Variants in ZNF728 observed in about 807,000 individuals in gnomAD.
ZNF728 encodes zinc finger protein 728.
ZNF728 carries 12 observed loss-of-function variants against 12.5 expected under a neutral mutation model. The observed-to-expected ratio is 0.96, with a 90% CI of 0.61 to 1.55. ZNF728 has a LOEUF of 1.55. Ranked by LOEUF, ZNF728 falls within the 40% of genes most tolerant of loss-of-function variation. ZNF728 has a pLI of 0.00. For missense variants in ZNF728, 692 were observed against 719.2 expected (o/e 0.96, Z 0.43); for synonymous variants, 205 against 240.7 (o/e 0.85, Z 1.37).
In ZNF728 at chr19:22,975,557, A is replaced by T. The variant is rs768463416; in HGVS notation, c.1780T>A (p.Cys594Ser). 6.3e-7 allele frequency: 1 copy of T among 1,589,672 alleles called. No homozygotes were observed. The highest frequency in any genetic ancestry group is 8.6e-7 in the Non-Finnish European group (1 of 1,169,012). The change falls in exon 4 of 4, where the codon TGT becomes AGT. Residue 594 changes from cysteine (C) to serine (S), a missense_variant. This residue lies in a region of ZNF728 where 244 missense variants were observed against 235.2 expected (regional missense o/e 1.04). Transcript: ENST00000594710. The part of the protein sequence containing the change: ...KIHAGKKFYK[C>S]EECGKDFNQS... ...TTGAAGTCTTTACCACATTCTTCAC[A>T]TTTGTAGAATTTCTTTCCAGCATGA...
intron 1 of ZNF728, 121 bp downstream of exon 1, chr19:23,002,907 G>T: frequency 7.4e-7 from 1 of 1,350,740 alleles, no homozygotes; most frequent in Non-Finnish European, 1.0e-6. Flanking sequence ...TAGGCAAGGA[G>T]AACACGGGGC....
chr19:22,992,172 A>G (rs141392155), intron 1 of ZNF728, among the ~76,000 whole-genome samples: 1 of 152,278 alleles, frequency 6.6e-6, no homozygotes, highest in Non-Finnish European at 1.5e-5. Flanking sequence ...ATTCAACCAT[A>G]TTTCCAGTTG....
chr19:22,998,141 T>A (rs943614243), intron 1 of ZNF728, among the ~76,000 whole-genome samples: 2 of 152,064 alleles, frequency 1.3e-5, no homozygotes, highest in African/African-American at 2.4e-5. Context: ...TAAAGACACA[T>A]GCACAATCAC....
At chr19:22,984,577 T>TAC (rs57794293) in intron 3 of ZNF728, among the ~76,000 whole-genome samples, 11,694 of 109,114 alleles carry the variant, frequency 0.11, 637 homozygotes, top group East Asian at 0.21. Context: ...AAAAAAAAAA[T>TAC]ACACACACAC....
At position 22,976,937 on chromosome 19, in the gene ZNF728, TAAG is replaced by T. The variant is rs760602041; in HGVS notation, c.397_399del (p.Leu133del). ...CTTTGTGTAGTTGTCAAACTCTGGT[TAAG>T]CTTATTATAACCTTTTTTGTGCACC... On this transcript the variant is annotated inframe_deletion, in exon 4 of 4. Coordinates refer to ENST00000594710, the MANE Select transcript of ZNF728 (RefSeq NM_001267716.2). 23 of 1,613,448 alleles carry T rather than the reference TAAG, an allele frequency of 1.4e-5. No individual in the cohort carries two copies. The East Asian group carries it at 2.5e-4, about 17-fold the overall frequency.
At chr19:22,984,127 G>A (rs992568090) in intron 3 of ZNF728, among the ~76,000 whole-genome samples, 1 of 151,944 alleles carries the variant, frequency 6.6e-6, no homozygotes, top group Non-Finnish European at 1.5e-5. Context: ...CTTCTCAATA[G>A]CTCATACAAC....
intron 3 of ZNF728, among the ~76,000 whole-genome samples, chr19:22,981,018 TA>T (rs761743860): frequency 2.1e-5 from 3 of 145,442 alleles, no homozygotes; most frequent in Non-Finnish European, 3.0e-5. Flanking sequence ...AACAAATAAC[TA>T]AGAACAGAGC....
At chr19:22,990,849 T>C (rs949779817) in intron 1 of ZNF728, among the ~76,000 whole-genome samples, 2 of 152,170 alleles carry the variant, frequency 1.3e-5, no homozygotes, top group South Asian at 2.1e-4. Context: ...TGATAACCCC[T>C]TAACTAAGAC....
At chr19:22,982,707 AC>A (rs755115216) in intron 3 of ZNF728, among the ~76,000 whole-genome samples, 55 of 152,090 alleles carry the variant, frequency 3.6e-4, no homozygotes, top group Non-Finnish European at 6.5e-4. Flanking sequence ...AAATAACAAC[AC>A]AGATCTACAG....
At chr19:23,002,137 G>A (rs191802019) in intron 1 of ZNF728, among the ~76,000 whole-genome samples, 22 of 152,326 alleles carry the variant, frequency 1.4e-4, no homozygotes, top group African/African-American at 5.1e-4. Context: ...CCAACATGGT[G>A]AAACCCCATC....
intron 1 of ZNF728, 43 bp from the exon 2 acceptor site, chr19:22,988,494 G>A: frequency 6.2e-7 from 1 of 1,601,782 alleles, no homozygotes; most frequent in Non-Finnish European, 8.5e-7. Flanking sequence ...AAGTGGTCAT[G>A]GGCAGAATTT....
Position 22,975,655 on chromosome 19 carries a change from T to C in ZNF728, c.1682A>G (p.Glu561Gly), listed in dbSNP as rs1370433071. 8.1e-6 allele frequency: 13 copies of C among 1,611,956 alleles called. No individual in the cohort carries two copies. Among genetic ancestry groups the C allele is most frequent in the African/African-American group, 1.3e-5 (1 of 74,898 alleles). Residue 561 changes from glutamate (E) to glycine (G), a missense_variant, in exon 4 of 4, where the codon GAG becomes GGG. Glu to Gly is a moderately conservative substitution (Grantham distance 98). This residue lies in a region of ZNF728 where 244 missense variants were observed against 235.2 expected (regional missense o/e 1.04). Coordinates refer to ENST00000594710, the MANE Select transcript of ZNF728 (RefSeq NM_001267716.2). ...LSEHKRIHTG[E>G]KPYKCEECGK... ...ACATTCTTCACATTTGTAGGGTTTCTCTCCAGTATGAATTCTCTTATGTTC... is the reference window on the plus strand; with the variant it reads ...ACATTCTTCACATTTGTAGGGTTTCCCTCCAGTATGAATTCTCTTATGTTC...
At position 22,976,350 on chromosome 19, in the gene ZNF728, T is replaced by C. The variant is rs1329678925; in HGVS notation, c.987A>G (p.Glu329=). ...TCTCTCCAGTATGAATTCTCTTATG[T>C]TCCATAAGGTTTGAGGACCGGTTGA... is the stretch of plus-strand genomic sequence containing the variant. ...KAFNRSSNLM[E]HKRIHTGEKP... is the part of the protein sequence containing the mutation. The change falls in exon 4 of 4, where the codon GAA becomes GAG. Residue 329 remains glutamate, a synonymous_variant. Transcript: ENST00000594710. 1.2e-6 allele frequency: 2 copies of C among 1,612,452 alleles called. No individual in the cohort carries two copies. Among genetic ancestry groups the C allele is most frequent in the African/African-American group, 2.7e-5 (2 of 74,566 alleles).
chr19:22,977,048 T>G lies in ZNF728; in HGVS notation c.289A>C (p.Lys97Gln). 1 of 1,612,862 alleles carries G rather than the reference T, an allele frequency of 6.2e-7. No homozygotes were observed. The highest frequency in any genetic ancestry group is 8.5e-7 in the Non-Finnish European group (1 of 1,179,560). Residue 97 changes from lysine (K) to glutamine (Q), a missense_variant, in exon 4 of 4, where the codon AAA (lysine) becomes CAA (glutamine). Lys to Gln is a moderately conservative substitution (Grantham distance 53, BLOSUM62 1). Coordinates refer to ENST00000594710, the MANE Select transcript of ZNF728 (RefSeq NM_001267716.2). ...TTTTCATATCTTCTCAATATCACTT[T>G]TTGGAAAGAATCTTCTCTGCCCTGC... ...PEQGREDSFQKVILRRYEKCG... is the reference protein window; with the variant it reads ...PEQGREDSFQQVILRRYEKCG...
In ZNF728 at chr19:22,995,719, G is replaced by A. The variant is rs563895720; in HGVS notation, c.4-7268C>T. The A allele has an allele frequency of 7.9e-5, 12 of 152,340 alleles. 1 individual carries two copies. The East Asian group carries it at 2.1e-3, about 27-fold the overall frequency. 9.4% of individuals were successfully genotyped at this position (152,340 alleles called of 1,614,324 possible). ...CCCAAAATCCTGGGATTAGAGGCAT[G>A]AGCCACTGCACCCAGCTCTCAGCAG... On this transcript the variant is annotated intron_variant, in intron 1 of 3. Transcript: ENST00000594710.
In ZNF728 at chr19:22,988,222, C is replaced by T; in HGVS notation, c.130+103G>A. 1.9e-6 allele frequency: 3 copies of T among 1,584,102 alleles called. No individual in the cohort carries two copies. In the South Asian group the frequency reaches 3.5e-5, roughly 18 times the overall value. Reference sequence around the variant, plus strand: ...TCTTCCAAATATACTCTTTTGTCTGCCTTTATTCCTGCATTCATCCTCCTT... The same window carrying T: ...TCTTCCAAATATACTCTTTTGTCTGTCTTTATTCCTGCATTCATCCTCCTT... On this transcript the variant is annotated intron_variant, in intron 2 of 3. Coordinates refer to ENST00000594710, the MANE Select transcript of ZNF728 (RefSeq NM_001267716.2).
chr19:22,982,764 C>T (rs1044621529), intron 3 of ZNF728, among the ~76,000 whole-genome samples: 7 of 151,946 alleles, frequency 4.6e-5, no homozygotes, highest in East Asian at 1.9e-4. Context: ...AATGGGGAAA[C>T]GATTCCCTAT....
chr19:22,977,691 C>A (rs961960520), intron 3 of ZNF728, among the ~76,000 whole-genome samples: 2 of 152,112 alleles, frequency 1.3e-5, no homozygotes, highest in African/African-American at 4.8e-5. Context: ...CATAAATAAT[C>A]TCTTTTAACT....
chr19:22,977,134 A>G, intron 3 of ZNF728, 24 bp from the exon 4 acceptor site: 1 of 1,507,020 alleles, frequency 6.6e-7, no homozygotes, highest in Non-Finnish European at 8.8e-7. Context: ...AAAATAACAA[A>G]TTAGTCCACT....
Sources: allele counts gnomAD v4.1 joint callset (sites outside exome capture counted in the v4.1 genomes callset), GRCh38; gene constraint gnomAD v4.1.1; regional missense constraint gnomAD v4.1.1; transcripts MANE v1.5; gene names NCBI Gene and HGNC (gene_info 2026-07-23, HGNC 2026-07-21).